The following USP24 variants were observed in gnomAD, a reference collection of about 807,000 sequenced individuals.
The protein encoded by USP24 is ubiquitin carboxyl-terminal hydrolase 24.
In USP24, 97 loss-of-function variants were observed where a neutral mutation model predicts 361.6. The ratio of observed to expected loss-of-function variants is 0.27; its 90% confidence interval spans 0.23 to 0.32. USP24 has a LOEUF of 0.32. Ranked by LOEUF, USP24 falls within the 10% of genes least tolerant of loss-of-function variation. USP24 has a pLI of 1.00. For synonymous variants in USP24, 1,098 were observed against 1,124.6 expected (o/e 0.98, Z 0.47); for missense variants, 2,353 against 3,165.6 (o/e 0.74, Z 6.16).
In USP24 at chr1:55,071,890, T is replaced by C; in HGVS notation, c.7724A>G (p.Glu2575Gly). 6.2e-7 allele frequency: 1 copy of C among 1,612,960 alleles called. No homozygotes were observed. Among genetic ancestry groups the C allele is most frequent in the Non-Finnish European group, 8.5e-7 (1 of 1,179,554 alleles). Reference protein sequence around the residue: ...TLAYATALLNEKEQSGSSNGS... With the variant: ...TLAYATALLNGKEQSGSSNGS... ...ATTACTGCTTCCTGATTGCTCTTTT[T>C]CATTCAACAAAGCTGTGGCATACGC... is the stretch of plus-strand genomic sequence containing the variant. Residue 2575 changes from glutamate to glycine, a missense_variant, in exon 67 of 68, where the codon GAA becomes GGA. Transcript: ENST00000294383.
At chr1:55,072,075 CCT>C (rs777872235) in intron 66 of USP24, among the ~76,000 whole-genome samples, 151 bp from the exon 67 acceptor site, 4 of 152,124 alleles carry the variant, frequency 2.6e-5, no homozygotes, top group African/African-American at 9.7e-5. Flanking sequence ...CCCCTCAACC[CCT>C]GTCCCTTTTT....
intron 38 of USP24, among the ~76,000 whole-genome samples, chr1:55,115,978 G>C (rs1646103715): frequency 6.6e-6 from 1 of 152,100 alleles, no homozygotes. Flanking sequence ...GAGAACACAT[G>C]GACACAGGGA....
At chr1:55,085,719 G>A (rs1174865604) in intron 56 of USP24, among the ~76,000 whole-genome samples, 2 of 152,170 alleles carry the variant, frequency 1.3e-5, no homozygotes. Context: ...TCCCAACGCA[G>A]ACCAAAGCAG....
At chr1:55,118,301 C>A (rs532204982) in intron 38 of USP24, among the ~76,000 whole-genome samples, 1 of 152,242 alleles carries the variant, frequency 6.6e-6, no homozygotes, top group South Asian at 2.1e-4. Flanking sequence ...AAATATAGAA[C>A]TCAAAAATAT....
chr1:55,092,263 A>G (rs1351520165), intron 53 of USP24, 137 bp from the exon 54 acceptor site: 59 of 506,242 alleles, frequency 1.2e-4, no homozygotes, highest in Non-Finnish European at 1.3e-5. Context: ...TACTAATAAG[A>G]AGAATCTTGC....
chr1:55,145,932 G>C, intron 20 of USP24, 66 bp downstream of exon 20: 1 of 1,172,390 alleles, frequency 8.5e-7, no homozygotes, highest in Non-Finnish European at 1.3e-6. Context: ...AGGATTAAAA[G>C]TAAAGGAAAG....
intron 20 of USP24, among the ~76,000 whole-genome samples, chr1:55,145,497 A>G (rs1280315425): frequency 6.6e-6 from 1 of 152,214 alleles, no homozygotes; most frequent in East Asian, 1.9e-4. Flanking sequence ...TAGAGGCTGG[A>G]TAAAATGAAT....
At chr1:55,077,435 T>C (rs1156964690) in intron 61 of USP24, 135 bp from the exon 62 acceptor site, 2 of 583,492 alleles carry the variant, frequency 3.4e-6, no homozygotes, top group African/African-American at 3.8e-5. Flanking sequence ...TTCTAGGCCT[T>C]AGTTTCTCAA....
At chr1:55,166,443 C>T in intron 6 of USP24, 125 bp downstream of exon 6, 1 of 904,782 alleles carries the variant, frequency 1.1e-6, no homozygotes, top group South Asian at 1.6e-5. Context: ...ATATGAAATC[C>T]ACTCCTTAAA....
rs1228866651 is a variant in USP24, at chr1:55,165,800, G to T, written c.927+85C>A. 41 of 1,089,504 alleles carry T rather than the reference G, an allele frequency of 3.8e-5. No homozygotes were observed. The East Asian group carries it at 9.3e-4, about 25-fold the overall frequency. The allele number at this position is 1,089,504 out of a possible 1,614,324, so 67.5% of individuals were successfully genotyped here. On this transcript the variant is annotated intron_variant, in intron 7 of 67. Transcript: ENST00000294383. ...AACCTTTAATTTAACATTTAACTTG[G>T]CATGTCCAGACCATATCCTCTGGCT...
chr1:55,164,338 G>A (rs1369196414), intron 7 of USP24, among the ~76,000 whole-genome samples: 2 of 152,020 alleles, frequency 1.3e-5, no homozygotes, highest in Admixed American at 1.3e-4. Context: ...GTGGGGATCA[G>A]GAAGAAGGAT....
chr1:55,072,544 T>G lies in USP24; in HGVS notation c.7603-141A>C, dbSNP rs1025887045. 6.3e-5 allele frequency: 49 copies of G among 778,592 alleles called. No homozygotes were observed. The African/African-American group carries it at 7.7e-4, about 12-fold the overall frequency. The allele number at this position is 778,592 out of a possible 1,614,324, so 48.2% of individuals were successfully genotyped here. A position where few individuals can be genotyped will look rare whatever the true frequency, so the allele number is the denominator to read the frequency against. On this transcript the variant is annotated intron_variant, in intron 65 of 67. Transcript: ENST00000294383. ...CCAGACCTTCCATCACATAAAGCGATTCAAGACCTCAGTCAAGTATTGCTT... is the reference window on the plus strand; with the variant it reads ...CCAGACCTTCCATCACATAAAGCGAGTCAAGACCTCAGTCAAGTATTGCTT...
In USP24 at chr1:55,077,319, G is replaced by A; in HGVS notation, c.7315-19C>T. The A allele has an allele frequency of 6.7e-7, 1 of 1,492,912 alleles. No homozygotes were observed. The highest frequency in any genetic ancestry group is 9.0e-7 in the Non-Finnish European group (1 of 1,107,870). The allele number at this position is 1,492,912 out of a possible 1,614,324, so 92.5% of individuals were successfully genotyped here. A position where few individuals can be genotyped will look rare whatever the true frequency, so the allele number is the denominator to read the frequency against. On this transcript the variant is annotated intron_variant, in intron 61 of 67. Coordinates refer to ENST00000294383, the MANE Select transcript of USP24 (RefSeq NM_015306.3). Reference sequence around the variant, plus strand: ...GTTGGTTCTGAAATATTTTTTAAAAGCATAAAAACTTCAGTGGAAAGCATA... The same window carrying A: ...GTTGGTTCTGAAATATTTTTTAAAAACATAAAAACTTCAGTGGAAAGCATA...
intron 38 of USP24, among the ~76,000 whole-genome samples, chr1:55,117,555 C>G (rs375861715): frequency 1.3e-5 from 2 of 151,360 alleles, no homozygotes; most frequent in East Asian, 1.9e-4. Context: ...GGTGAAACCC[C>G]GTCTCTACTA....
chr1:55,120,894 A>C, intron 37 of USP24, 138 bp from the exon 38 acceptor site: 1 of 1,145,572 alleles, frequency 8.7e-7, no homozygotes, highest in Non-Finnish European at 1.2e-6. Context: ...TGAGTGTTTC[A>C]GATTTTAATG....
chr1:55,126,267 GTGTGCGCTGGCTGCTCC>G (rs1646426055), intron 32 of USP24, among the ~76,000 whole-genome samples: 1 of 152,212 alleles, frequency 6.6e-6, no homozygotes, highest in South Asian at 2.1e-4. Flanking sequence ...CCACGCATGG[GTGTGCGCTGGCTGCTCC>G]TCTGAAAAGC....
chr1:55,078,346 G>A lies in USP24; in HGVS notation c.7314+192C>T, dbSNP rs573176910. On this transcript the variant is annotated intron_variant, in intron 61 of 67. Coordinates refer to ENST00000294383, the MANE Select transcript of USP24 (RefSeq NM_015306.3). ...TTTCTATGCTTAAATTTTTCCCAAAGAGAGTGTAGTAATTAATCCATGTAA... is the reference window on the plus strand; with the variant it reads ...TTTCTATGCTTAAATTTTTCCCAAAAAGAGTGTAGTAATTAATCCATGTAA... 3.3e-5 allele frequency among the ~76,000 whole-genome samples: 5 copies of A among 152,122 alleles called. No individual in the cohort carries two copies. In the South Asian group the frequency reaches 8.3e-4, roughly 25 times the overall value.
chr1:55,203,638 G>GC (rs1397558247), intron 1 of USP24, among the ~76,000 whole-genome samples: 1 of 152,142 alleles, frequency 6.6e-6, no homozygotes, highest in African/African-American at 2.4e-5. Flanking sequence ...CAAGGTAACT[G>GC]CATCATTTCT....
chr1:55,125,800 A>G, intron 32 of USP24, 42 bp from the exon 33 acceptor site: 2 of 1,465,274 alleles, frequency 1.4e-6, no homozygotes, highest in South Asian at 1.3e-5. Flanking sequence ...AAAGACTTCT[A>G]TTTTTTTTCA....
Sources: allele counts gnomAD v4.1 joint callset (sites outside exome capture counted in the v4.1 genomes callset), GRCh38; gene constraint gnomAD v4.1.1; transcripts MANE v1.5; gene names NCBI Gene and HGNC (gene_info 2026-07-23, HGNC 2026-07-21).